BCOR: variants seen among roughly 807,000 people sequenced by gnomAD.
BCOR encodes the protein BCL6 corepressor.
A neutral mutation model predicts 86.7 loss-of-function variants in BCOR; 10 were observed. The ratio of observed to expected loss-of-function variants is 0.12; its 90% confidence interval spans 0.07 to 0.20. The LOEUF is 0.20. Among genes scored for constraint, BCOR ranks in the 10% least tolerant of loss-of-function variants. The pLI, the probability that BCOR is intolerant of heterozygous loss-of-function variation, is 1.00. For missense variants in BCOR, 1,259 were observed against 1,452.1 expected (o/e 0.87, Z 2.16); for synonymous variants, 611 against 609.0 (o/e 1.00, Z -0.05).
At chrX:40,142,745 T>G (rs2147962267) in intron 1 of BCOR, among the ~76,000 whole-genome samples, 1 of 111,478 alleles carries the variant, frequency 9.0e-6, no homozygotes, top group East Asian at 2.8e-4. Flanking sequence ...GCTATGGATT[T>G]TTTTCCCGAT....
chrX:40,153,148 C>A (rs1938206088), intron 1 of BCOR, among the ~76,000 whole-genome samples: 1 of 113,275 alleles, frequency 8.8e-6, no homozygotes, highest in Non-Finnish European at 1.9e-5. Flanking sequence ...AATCGCAGGA[C>A]AGCGGCGGGG....
chrX:40,133,372 G>A (rs1455976893), intron 1 of BCOR, among the ~76,000 whole-genome samples: 1 of 110,531 alleles, frequency 9.0e-6, no homozygotes, highest in South Asian at 3.8e-4. Flanking sequence ...TCCTGACCTC[G>A]TGATCCACCC....
intron 1 of BCOR, among the ~76,000 whole-genome samples, chrX:40,135,549 C>G (rs999649732): frequency 1.5e-4 from 17 of 111,375 alleles, no homozygotes; most frequent in Non-Finnish European, 3.2e-4. Flanking sequence ...ACCACCATAC[C>G]TGGCTAACTT....
At chrX:40,175,236 G>A (rs1445201331) in intron 1 of BCOR, among the ~76,000 whole-genome samples, 1 of 113,480 alleles carries the variant, frequency 8.8e-6, no homozygotes, top group Non-Finnish European at 1.9e-5. Context: ...AACTTAACAC[G>A]GAGGCAAAAG....
At chrX:40,096,783 C>T (rs928094654) in intron 1 of BCOR, among the ~76,000 whole-genome samples, 1 of 112,407 alleles carries the variant, frequency 8.9e-6, no homozygotes, top group Non-Finnish European at 1.9e-5. Context: ...ACCCGCTGCC[C>T]TCCCCTTCCT....
At chrX:40,161,433 C>T (rs1354467712) in intron 1 of BCOR, among the ~76,000 whole-genome samples, 1 of 107,002 alleles carries the variant, frequency 9.3e-6, no homozygotes, top group African/African-American at 3.4e-5. Flanking sequence ...CCCCTGACCT[C>T]GTGATCCGCC....
intron 1 of BCOR, among the ~76,000 whole-genome samples, chrX:40,106,779 C>T (rs1170455659): frequency 2.7e-5 from 3 of 112,057 alleles, no homozygotes. Context: ...GCGGTGCAGG[C>T]GGGGAGGGGT....
In BCOR at chrX:40,064,202, G is replaced by A. The variant is rs1283781612; in HGVS notation, c.3502+134C>T. 3.1e-6 allele frequency: 3 copies of A among 979,878 alleles called. No homozygotes were observed. In the Admixed American group the frequency reaches 6.9e-5, roughly 23 times the overall value. 80.8% of individuals were successfully genotyped at this position (979,878 alleles called of 1,213,427 possible). A position where few individuals can be genotyped will look rare whatever the true frequency, so the allele number is the denominator to read the frequency against. On this transcript the variant is annotated intron_variant, in intron 7 of 14. Coordinates refer to ENST00000378444, the MANE Select transcript of BCOR (RefSeq NM_001123385.2). ...GAATGGAGAGGTCCGCTCCACTGCTGCGCCCCCACGGCTTCCCCTCACCGA... is the reference window on the plus strand; with the variant it reads ...GAATGGAGAGGTCCGCTCCACTGCTACGCCCCCACGGCTTCCCCTCACCGA...
intron 1 of BCOR, among the ~76,000 whole-genome samples, chrX:40,170,281 A>T (rs779902022): frequency 9.0e-6 from 1 of 111,712 alleles, no homozygotes; most frequent in African/African-American, 3.2e-5. Context: ...TCTCTTCTGC[A>T]GACTAACAGA....
intron 6 of BCOR, among the ~76,000 whole-genome samples, chrX:40,069,228 G>A: frequency 8.9e-6 from 1 of 112,067 alleles, no homozygotes; most frequent in Non-Finnish European, 1.9e-5. Context: ...GCTCTTCCTT[G>A]GCCCTAGTAT....
intron 1 of BCOR, among the ~76,000 whole-genome samples, chrX:40,126,749 GGAGGCTGAGATGGGAGGATTGCTT>G (rs1342990119): frequency 9.1e-6 from 1 of 109,661 alleles, no homozygotes; most frequent in African/African-American, 3.3e-5. Context: ...CAGCTACCCA[GGAGGCTGAGATGGGAGGATTGCTT>G]GAGCCTGAGA....
upstream of BCOR, among the ~76,000 whole-genome samples, chrX:40,102,828 GTC>G (rs2147789968): frequency 8.8e-6 from 1 of 113,436 alleles, no homozygotes; most frequent in South Asian, 3.6e-4. Flanking sequence ...GTGCTGATCT[GTC>G]TCTAAATACC....
intron 1 of BCOR, among the ~76,000 whole-genome samples, chrX:40,091,463 A>G (rs1041956344): frequency 4.4e-5 from 5 of 112,537 alleles, no homozygotes; most frequent in Non-Finnish European, 9.4e-5. Flanking sequence ...ACAGCTCTAA[A>G]ACAATGACGG....
chrX:40,108,091 A>G (rs778558447), intron 1 of BCOR, among the ~76,000 whole-genome samples: 1 of 112,817 alleles, frequency 8.9e-6, no homozygotes, highest in East Asian at 2.8e-4. Flanking sequence ...AGCGCGCCGG[A>G]TCCACAGCGA....
At chrX:40,104,389 G>A (rs889986562) in intron 1 of BCOR, among the ~76,000 whole-genome samples, 1 of 112,075 alleles carries the variant, frequency 8.9e-6, no homozygotes, top group African/African-American at 3.2e-5. Context: ...AGCCGAACCG[G>A]ACCCTCGGGG....
chrX:40,057,443 G>T, intron 10 of BCOR, 122 bp from the exon 11 acceptor site: 2 of 749,510 alleles, frequency 2.7e-6, no homozygotes, highest in Non-Finnish European at 4.0e-6. Context: ...CCTCTCGGGC[G>T]GGCTGTGGAT....
rs1017839499 is a variant in BCOR at position 40,158,695 on chromosome X, A to ACC, written c.-41+18310_-41+18311dup. ...CAGCTGGGGGTGGGGGGCGAGGCCT[A>ACC]CCCACCGTTCACAGGGCGCTGTTGA... On this transcript the variant is annotated intron_variant, in intron 1 of 14. Transcript: ENST00000342274. Among the ~76,000 whole-genome samples, 4 of 112,826 alleles carry ACC rather than the reference A, an allele frequency of 3.5e-5. No individual in the cohort carries two copies. In the Admixed American group the frequency reaches 3.7e-4, roughly 10 times the overall value.
intron 4 of BCOR, 174 bp from the exon 5 acceptor site, chrX:40,071,864 C>A: frequency 2.2e-6 from 1 of 445,001 alleles, no homozygotes; most frequent in South Asian, 3.8e-5. Context: ...AATTCACTAG[C>A]AAGTTAAATA....
intron 1 of BCOR, among the ~76,000 whole-genome samples, chrX:40,172,580 G>A (rs964167275): frequency 1.6e-4 from 18 of 113,050 alleles, no homozygotes; most frequent in Non-Finnish European, 2.4e-4. Context: ...CGCGCGCCCT[G>A]GCCGGACGGG....
Sources: gnomAD v4.1 joint callset for allele counts (sites outside exome capture counted in the v4.1 genomes callset) on GRCh38, gnomAD v4.1.1 for gene constraint, MANE v1.5 for transcripts, NCBI Gene and HGNC (gene_info 2026-07-23, HGNC 2026-07-21) for gene names.